Variants in TP63 observed in about 807,000 individuals in gnomAD.
TP63 encodes tumor protein p63, also known as tumor protein 63.
TP63 carries 17 observed loss-of-function variants against 82.8 expected under a neutral mutation model. The ratio of observed to expected loss-of-function variants is 0.21; its 90% CI spans 0.14 to 0.31. TP63 has a LOEUF of 0.31. TP63 is among the 10% of genes least tolerant of loss of function. The probability of loss-of-function intolerance (pLI) is 1.00; values close to 1 mark genes in which losing one functional copy is unlikely to be tolerated. For missense variants in TP63, 648 were observed against 895.3 expected (o/e 0.72, Z 3.52); for synonymous variants, 330 against 321.7 (o/e 1.03, Z -0.28).
intron 1 of TP63, among the ~76,000 whole-genome samples, chr3:189,723,144 T>C (rs894042343): frequency 6.6e-6 from 1 of 152,074 alleles, no homozygotes; most frequent in African/African-American, 2.4e-5. Flanking sequence ...TGGAGTAACC[T>C]AAGGTAAAGA....
chr3:189,713,268 A>G (rs1399405221), intron 1 of TP63, among the ~76,000 whole-genome samples: 1 of 152,216 alleles, frequency 6.6e-6, no homozygotes, highest in Non-Finnish European at 1.5e-5. Context: ...TGTTTACTGA[A>G]TGAATGGACA....
chr3:189,774,512 G>C (rs1201643054), intron 3 of TP63, among the ~76,000 whole-genome samples: 1 of 152,144 alleles, frequency 6.6e-6, no homozygotes, highest in Non-Finnish European at 1.5e-5. Flanking sequence ...GTGTTTGAAG[G>C]GGGCCTTGCA....
upstream of TP63, among the ~76,000 whole-genome samples, chr3:189,629,515 TAG>T (rs1469479101): frequency 6.6e-6 from 1 of 152,192 alleles, no homozygotes; most frequent in Non-Finnish European, 1.5e-5. Context: ...TTAAAATATT[TAG>T]AAGAGTTCTT....
At chr3:189,690,531 A>G (rs1716834604) in intron 1 of TP63, among the ~76,000 whole-genome samples, 1 of 152,184 alleles carries the variant, frequency 6.6e-6, no homozygotes, top group Non-Finnish European at 1.5e-5. Flanking sequence ...AATCATTGTC[A>G]TTCTATGATT....
chr3:189,659,315 T>C (rs1378228949), intron 1 of TP63, among the ~76,000 whole-genome samples: 2 of 152,032 alleles, frequency 1.3e-5, no homozygotes, highest in East Asian at 3.9e-4. Flanking sequence ...CAGTATTTGG[T>C]TTTCTGTTCT....
chr3:189,873,568 A>C (rs9882348), intron 10 of TP63: 89,930 of 164,528 alleles, frequency 0.55, 25,261 homozygotes, highest in Middle Eastern at 0.69. Context: ...CGTATTTTAG[A>C]ATCTCTGCTC....
At chr3:189,789,026 T>G (rs897812607) in intron 3 of TP63, among the ~76,000 whole-genome samples, 11 of 152,038 alleles carry the variant, frequency 7.2e-5, no homozygotes, top group African/African-American at 1.9e-4. Flanking sequence ...TTTTTGTAAG[T>G]TAACGGGACC....
At chr3:189,735,846 C>CAT (rs71298530) in intron 1 of TP63, among the ~76,000 whole-genome samples, 9,404 of 151,886 alleles carry the variant, frequency 0.062, 382 homozygotes, top group Admixed American at 0.13. Context: ...AATACACACA[C>CAT]ATATATATAT....
chr3:189,844,833 AGTTATT>A (rs1714658548), intron 4 of TP63, among the ~76,000 whole-genome samples: 1 of 152,148 alleles, frequency 6.6e-6, no homozygotes, highest in Non-Finnish European at 1.5e-5. Context: ...CCTTATCAAA[AGTTATT>A]GTTGGACCCT....
At chr3:189,777,861 TTTTTTTTTTTTTG>T (rs1723934987) in intron 3 of TP63, among the ~76,000 whole-genome samples, 1 of 129,548 alleles carries the variant, frequency 7.7e-6, no homozygotes, top group South Asian at 2.8e-4. Flanking sequence ...TTTTTTTTTT[TTTTTTTTTTTTTG>T]AGTCAGAGTC....
chr3:189,685,052 G>A (rs1017612249), intron 1 of TP63, among the ~76,000 whole-genome samples: 2 of 152,146 alleles, frequency 1.3e-5, no homozygotes, highest in Non-Finnish European at 2.9e-5. Context: ...GCAGACCCTA[G>A]ACAAACCATA....
At chr3:189,617,689 T>A in the TP63 span, among the ~76,000 whole-genome samples, 1 of 152,198 alleles carries the variant, frequency 6.6e-6, no homozygotes, top group Non-Finnish European at 1.5e-5. Flanking sequence ...TATTACCCTT[T>A]ATTTACTCCC....
intron 3 of TP63, among the ~76,000 whole-genome samples, chr3:189,749,833 A>G (rs1721666991): frequency 6.6e-6 from 1 of 152,202 alleles, no homozygotes; most frequent in Non-Finnish European, 1.5e-5. Context: ...GCTATAAAAA[A>G]GGAATGAAGG....
At chr3:189,853,648 C>A (rs1307020307) in intron 4 of TP63, among the ~76,000 whole-genome samples, 1 of 152,196 alleles carries the variant, frequency 6.6e-6, no homozygotes, top group African/African-American at 2.4e-5. Context: ...TATACTCTAT[C>A]CCCTTTGAAT....
intron 10 of TP63, among the ~76,000 whole-genome samples, chr3:189,883,533 T>C (rs1244793018): frequency 2.6e-5 from 4 of 152,180 alleles, no homozygotes; most frequent in African/African-American, 9.6e-5. Flanking sequence ...ATCAGAGTGT[T>C]AAATATTTGA....
chr3:189,670,383 C>A (rs905910817), intron 1 of TP63, among the ~76,000 whole-genome samples: 3 of 151,944 alleles, frequency 2.0e-5, no homozygotes, highest in Non-Finnish European at 1.5e-5. Flanking sequence ...TTTTACCTAC[C>A]AAGATAGAGC....
intron 4 of TP63, among the ~76,000 whole-genome samples, chr3:189,856,625 A>G (rs2108777666): frequency 6.6e-6 from 1 of 152,172 alleles, no homozygotes. Context: ...TAAGGAAGGC[A>G]TCTACAAAAA....
chr3:189,650,702 C>G (rs759083111), intron 1 of TP63, among the ~76,000 whole-genome samples: 2 of 147,366 alleles, frequency 1.4e-5, no homozygotes, highest in African/African-American at 2.5e-5. Context: ...ATAAATTAAC[C>G]AAATCTCAGG....
rs535518129 is a variant in TP63, at chr3:189,720,463, C to A, written c.63-17277C>A. Reference sequence around the variant, plus strand: ...AATAACTTTAGATAGTGCATCTCTTCCATTAAAGAAGACTGAATCCCAGCA... The same window carrying A: ...AATAACTTTAGATAGTGCATCTCTTACATTAAAGAAGACTGAATCCCAGCA... On this transcript the variant is annotated intron_variant, in intron 1 of 13. Coordinates refer to ENST00000264731, the MANE Select transcript of TP63 (RefSeq NM_003722.5). Among the ~76,000 whole-genome samples, 5 of 152,136 alleles carry A rather than the reference C, an allele frequency of 3.3e-5. No homozygotes were observed. The South Asian group carries it at 8.3e-4, about 25-fold the overall frequency.
Sources: gnomAD v4.1 joint callset for allele counts (sites outside exome capture counted in the v4.1 genomes callset) on GRCh38, gnomAD v4.1.1 for gene constraint, MANE v1.5 for transcripts, NCBI Gene and HGNC (gene_info 2026-07-23, HGNC 2026-07-21) for gene names.